The following GRIP2 variants were observed in gnomAD, a reference collection of about 807,000 sequenced individuals.
GRIP2 encodes glutamate receptor interacting protein 2.
GRIP2 carries 58 observed loss-of-function variants against 108.3 expected under a neutral mutation model. That is an observed-to-expected ratio of 0.54 (90% CI 0.43 to 0.67). The LOEUF is 0.67. Ranked by LOEUF, GRIP2 falls within the 30% of genes least tolerant of loss-of-function variation. The probability of loss-of-function intolerance (pLI) is 0.00; values close to 1 mark genes in which losing one functional copy is unlikely to be tolerated. For synonymous variants in GRIP2, 586 were observed against 598.2 expected (o/e 0.98, Z 0.30); for missense variants, 1,278 against 1,430.6 (o/e 0.89, Z 1.72).
intron 21 of GRIP2, 66 bp downstream of exon 21, chr3:14,503,500 T>C (rs1340068107): frequency 3.6e-6 from 4 of 1,111,862 alleles, no homozygotes; most frequent in African/African-American, 1.6e-5. Flanking sequence ...CTTCCTCCCA[T>C]TGCACACACA....
chr3:14,585,294 T>C, the GRIP2 span, among the ~76,000 whole-genome samples: 1 of 152,264 alleles, frequency 6.6e-6, no homozygotes, highest in African/African-American at 2.4e-5. Flanking sequence ...GGGCTGGTAT[T>C]ACAGGCGTGA....
chr3:14,499,616 C>T (rs1220676684), intron 21 of GRIP2, among the ~76,000 whole-genome samples: 3 of 151,992 alleles, frequency 2.0e-5, no homozygotes, highest in South Asian at 2.1e-4. Flanking sequence ...CCCAGCTACT[C>T]GGGTGGCAGA....
rs979685606 is a variant in GRIP2, at chr3:14,513,243, C to T, written c.1640-386G>A. Among the ~76,000 whole-genome samples, 5 of 152,198 alleles carry T rather than the reference C, an allele frequency of 3.3e-5. No homozygotes were observed. In the East Asian group the frequency reaches 7.7e-4, roughly 23 times the overall value. On this transcript the variant is annotated intron_variant, in intron 13 of 23. Coordinates refer to ENST00000621039, the MANE Select transcript of GRIP2 (RefSeq NM_001080423.4). ...TCATTTCTCTTGGGCATATGCCTCA[C>T]CTAACCCAAGTACCGCCCCTATAGT...
rs778553836 is a variant in GRIP2, at chr3:14,496,558, T to C, written c.2682A>G (p.Ala894=). 6.4e-6 allele frequency: 10 copies of C among 1,566,812 alleles called. No individual in the cohort carries two copies. The East Asian group carries it at 9.4e-5, about 15-fold the overall frequency. ...GQSELLRELE[A]SIMTGTVQRV... ...TCTGCACGGTGCCCGTCATGATGGA[T>C]GCCTGCAAGGAACACGGCCTTTCTT... Residue 894 remains alanine, a splice_region_variant and synonymous_variant, in exon 22 of 24, where the codon GCA becomes GCG. Coordinates refer to ENST00000621039, the MANE Select transcript of GRIP2 (RefSeq NM_001080423.4).
At chr3:14,572,349 C>A in the GRIP2 span, among the ~76,000 whole-genome samples, 1 of 151,352 alleles carries the variant, frequency 6.6e-6, no homozygotes, top group Non-Finnish European at 1.5e-5. Context: ...CGTGGTGGCT[C>A]ACGCCTGTAA....
chr3:14,514,500 C>A, intron 11 of GRIP2, 22 bp from the exon 12 acceptor site: 1 of 1,523,938 alleles, frequency 6.6e-7, no homozygotes, highest in Non-Finnish European at 8.8e-7. Flanking sequence ...GTGGGCCCAG[C>A]ATTCAGGTGA....
At chr3:14,579,835 G>A in the GRIP2 span, among the ~76,000 whole-genome samples, 41 of 152,358 alleles carry the variant, frequency 2.7e-4, no homozygotes, top group South Asian at 7.7e-3. Flanking sequence ...GCTGAGAGGA[G>A]CAGCCTCCCT....
rs1701310312 is a variant in GRIP2, at chr3:14,490,477, C to T, written c.*3188G>A. The stretch of plus-strand genomic sequence containing the variant: ...GTCCCAGACCCTGTAGCTCACCTGC[C>T]CTAGACACTCTCTGGACACTCCAGG... On this transcript the variant is annotated 3_prime_UTR_variant, in exon 24 of 24. Transcript: ENST00000621039. The T allele has an allele frequency of 6.6e-6, 1 of 152,594 alleles. No homozygotes were observed. The highest frequency in any genetic ancestry group is 2.4e-5 in the African/African-American group (1 of 41,472). 9.5% of individuals were successfully genotyped at this position (152,594 alleles called of 1,614,324 possible).
At chr3:14,548,366 G>A (rs1006401031) in intron 1 of GRIP2, among the ~76,000 whole-genome samples, 1 of 152,146 alleles carries the variant, frequency 6.6e-6, no homozygotes, top group Non-Finnish European at 1.5e-5. Context: ...CCCCTCCGGT[G>A]AAGACACAGA....
intron 16 of GRIP2, among the ~76,000 whole-genome samples, chr3:14,510,406 A>G (rs1358301474): frequency 6.6e-6 from 1 of 151,762 alleles, no homozygotes; most frequent in Non-Finnish European, 1.5e-5. Flanking sequence ...CTGGGACTAC[A>G]GGCATGCACC....
In GRIP2 at chr3:14,517,185, C is replaced by G; in HGVS notation, c.1185G>C (p.Pro395=). ...TGCAGGAAAAGGCGTGGTTCAAGGTCGGCGAGGAAAAGGGAGTTGAAGACA... is the reference window on the plus strand; with the variant it reads ...TGCAGGAAAAGGCGTGGTTCAAGGTGGGCGAGGAAAAGGGAGTTGAAGACA... ...RSLSSTPFSS[P]TLNHAFSCNN... is the part of the protein sequence containing the mutation. The change falls in exon 11 of 24, where the codon CCG becomes CCC. Residue 395 remains proline, a synonymous_variant. Transcript: ENST00000621039. 1 of 1,600,130 alleles carries G rather than the reference C, an allele frequency of 6.2e-7. No homozygotes were observed. The highest frequency in any genetic ancestry group is 8.5e-7 in the Non-Finnish European group (1 of 1,174,000).
At position 14,521,909 on chromosome 3, in the gene GRIP2, G is replaced by A. The variant is rs1174724461; in HGVS notation, c.567-122C>T. Reference sequence around the variant, plus strand: ...AGCAGGGAATGGGTGGGGGAGGAAGGGGAGGAGGGGACGGGTGAAGGGGCG... The same window carrying A: ...AGCAGGGAATGGGTGGGGGAGGAAGAGGAGGAGGGGACGGGTGAAGGGGCG... On this transcript the variant is annotated intron_variant, in intron 6 of 23. Coordinates refer to ENST00000621039, the MANE Select transcript of GRIP2 (RefSeq NM_001080423.4). The surrounding 1 kb of genome is among the most constrained non-coding windows in gnomAD (Gnocchi z 5.1). The A allele has an allele frequency of 1.1e-5, 10 of 902,730 alleles. 1 individual carries two copies. Among genetic ancestry groups the A allele is most frequent in the Non-Finnish European group, 1.6e-5 (10 of 623,888 alleles). 55.9% of individuals were successfully genotyped at this position (902,730 alleles called of 1,614,324 possible).
chr3:14,501,951 T>C (rs776597501), intron 21 of GRIP2, among the ~76,000 whole-genome samples: 4 of 151,698 alleles, frequency 2.6e-5, no homozygotes, highest in Non-Finnish European at 4.4e-5. Flanking sequence ...AATGGATCAA[T>C]AGAAAAAAGG....
rs1674994008 is a variant in GRIP2, at chr3:14,511,024, T to C, written c.1933+141A>G. On this transcript the variant is annotated intron_variant, in intron 16 of 23. Coordinates refer to ENST00000621039, the MANE Select transcript of GRIP2 (RefSeq NM_001080423.4). This position sits in a 1 kb window ranked among gnomAD's most constrained non-coding sequence, Gnocchi z 4.1. ...GAAATCTGTGGTGTTGCCCCCTCCT[T>C]CATTTGTTCATTCCAGCCAGCCTTC... 3.0e-6 allele frequency: 3 copies of C among 993,256 alleles called. No homozygotes were observed. The highest frequency in any genetic ancestry group is 4.4e-6 in the Non-Finnish European group (3 of 684,012). 61.5% of individuals were successfully genotyped at this position (993,256 alleles called of 1,614,324 possible).
In GRIP2 at chr3:14,520,519, G is replaced by A. The variant is rs779793213; in HGVS notation, c.731C>T (p.Ser244Leu). The change falls in exon 8 of 24, where the codon TCG becomes TTG. Residue 244 changes from serine (S) to leucine (L), a missense_variant. Transcript: ENST00000621039. ...GACTATTTCCACCATCAAGGGTCCCGAAGCATTAGCCACCGTGTCTGGCAT... is the reference window on the plus strand; with the variant it reads ...GACTATTTCCACCATCAAGGGTCCCAAAGCATTAGCCACCGTGTCTGGCAT... ...VATPDTVANA[S>L]GPLMVEIVKT... 8 of 1,613,986 alleles carry A rather than the reference G, an allele frequency of 5.0e-6. No homozygotes were observed. The Admixed American group carries it at 5.0e-5, about 10-fold the overall frequency.
chr3:14,573,000 A>T, the GRIP2 span: 357 of 1,477,412 alleles, frequency 2.4e-4, 2 homozygotes, highest in Admixed American at 2.3e-4. Flanking sequence ...CACCTGAAAG[A>T]TGATGATCAG....
chr3:14,566,827 G>A, the GRIP2 span, among the ~76,000 whole-genome samples: 1 of 152,124 alleles, frequency 6.6e-6, no homozygotes, highest in African/African-American at 2.4e-5. Flanking sequence ...GACCTGGGAT[G>A]ATTCTCTGCC....
At chr3:14,524,945 T>A (rs981626321) in intron 3 of GRIP2, among the ~76,000 whole-genome samples, 1 of 152,150 alleles carries the variant, frequency 6.6e-6, no homozygotes, top group South Asian at 2.1e-4. Context: ...AGAGGCTAAC[T>A]CCCAGGCCTC....
intron 4 of GRIP2, 121 bp downstream of exon 4, chr3:14,524,272 G>C: frequency 8.5e-7 from 1 of 1,181,400 alleles, no homozygotes; most frequent in Non-Finnish European, 1.2e-6. Context: ...CTTGTGGCCA[G>C]TCTCCAGGTT....
Sources: allele counts gnomAD v4.1 joint callset (sites outside exome capture counted in the v4.1 genomes callset), GRCh38; gene constraint gnomAD v4.1.1; non-coding constraint Gnocchi (gnomAD v3.1); transcripts MANE v1.5; gene names NCBI Gene and HGNC (gene_info 2026-07-23, HGNC 2026-07-21).